DPY19L4: variants seen among roughly 807,000 people sequenced by gnomAD.
The protein encoded by DPY19L4 is dpy-19 like 4.
A neutral mutation model predicts 102.8 loss-of-function variants in DPY19L4; 97 were observed. That is an observed-to-expected ratio of 0.94 (90% CI 0.80 to 1.12). DPY19L4 has a LOEUF of 1.12. Ranked by LOEUF, DPY19L4 falls within the 50% of genes most tolerant of loss-of-function variation. The pLI is 0.00. For synonymous variants in DPY19L4, 252 were observed against 283.1 expected (o/e 0.89, Z 1.10); for missense variants, 815 against 850.4 (o/e 0.96, Z 0.52).
At chr8:94,778,949 T>C (rs1028534216) in intron 14 of DPY19L4, among the ~76,000 whole-genome samples, 1 of 152,168 alleles carries the variant, frequency 6.6e-6, no homozygotes, top group Non-Finnish European at 1.5e-5. Flanking sequence ...GGTGTCATGC[T>C]GCGGAGCTGG....
chr8:94,721,103 C>T (rs1403473002), intron 1 of DPY19L4, among the ~76,000 whole-genome samples: 2 of 152,170 alleles, frequency 1.3e-5, no homozygotes, highest in Admixed American at 6.5e-5. Context: ...TGCGCCATCA[C>T]GCCCGGTTAA....
At position 94,734,755 on chromosome 8, in the gene DPY19L4, G is replaced by T; in HGVS notation, c.252+1G>T. 6.2e-7 allele frequency: 1 copy of T among 1,613,216 alleles called. No homozygotes were observed. Among genetic ancestry groups the T allele is most frequent in the South Asian group, 1.1e-5 (1 of 90,766 alleles). On this transcript the variant is annotated splice_donor_variant, in intron 3 of 18. Coordinates refer to ENST00000414645, the MANE Select transcript of DPY19L4 (RefSeq NM_181787.3). LOFTEE classifies it high-confidence loss of function. ...GAAATTCTGGTTTTCCAACAGGCAG[G>T]TAAGAAGAAAGAATTTTGAGCATAT...
At position 94,787,588 on chromosome 8, in the gene DPY19L4, G is replaced by C. The variant is rs148730435; in HGVS notation, c.1849-306G>C. Among the ~76,000 whole-genome samples, 735 of 152,222 alleles carry C rather than the reference G, an allele frequency of 4.8e-3. 5 individuals are homozygous for C. Among genetic ancestry groups the C allele is most frequent in the Middle Eastern group, 0.027 (8 of 294 alleles). On this transcript the variant is annotated intron_variant, in intron 17 of 18. Transcript: ENST00000414645. ...TTTACTACTTTTTGAAGGATATCAA[G>C]AGTTGATCCAATATTAACATTTCAG...
chr8:94,784,351 C>T (rs1360229537), intron 17 of DPY19L4, among the ~76,000 whole-genome samples: 1 of 152,216 alleles, frequency 6.6e-6, no homozygotes, highest in Non-Finnish European at 1.5e-5. Context: ...GCTGGAATTA[C>T]AGGCACCTGC....
chr8:94,772,360 A>G (rs919649039), intron 13 of DPY19L4, among the ~76,000 whole-genome samples: 2 of 152,198 alleles, frequency 1.3e-5, no homozygotes, highest in African/African-American at 4.8e-5. Flanking sequence ...AACTACCCTC[A>G]GGCTTGATAA....
At chr8:94,764,153 T>C (rs189212039) in intron 8 of DPY19L4, among the ~76,000 whole-genome samples, 1 of 152,328 alleles carries the variant, frequency 6.6e-6, no homozygotes, top group East Asian at 1.9e-4. Flanking sequence ...TTTTGATTTA[T>C]GTAATTTGAG....
rs565794690 is a variant in DPY19L4 at position 94,780,971 on chromosome 8, A to G, written c.1633-113A>G. 1.0e-3 allele frequency: 833 copies of G among 796,014 alleles called. 12 individuals carry two copies. Among genetic ancestry groups the G allele is most frequent in the South Asian group, 9.8e-3 (533 of 54,384 alleles). The allele number at this position is 796,014 out of a possible 1,614,324, so 49.3% of individuals were successfully genotyped here. On this transcript the variant is annotated intron_variant, in intron 15 of 18. Coordinates refer to ENST00000414645, the MANE Select transcript of DPY19L4 (RefSeq NM_181787.3). ...TCCATGCGAACGGTGTTGTAATATC[A>G]TTTGCCTTAAGTTAGTCTGTTAGTC...
intron 11 of DPY19L4, 101 bp from the exon 12 acceptor site, chr8:94,768,293 GA>G: frequency 2.3e-6 from 2 of 887,794 alleles, no homozygotes; most frequent in Non-Finnish European, 3.5e-6. Flanking sequence ...ACGGGTTTAG[GA>G]AATGTGTTTT....
intron 6 of DPY19L4, among the ~76,000 whole-genome samples, chr8:94,751,236 A>G (rs974264508): frequency 4.1e-5 from 6 of 147,772 alleles, no homozygotes; most frequent in Non-Finnish European, 8.9e-5. Context: ...CTCCTGCCTC[A>G]GCCTCCCGAG....
chr8:94,781,673 A>T (rs538721960), intron 16 of DPY19L4, among the ~76,000 whole-genome samples: 2 of 152,302 alleles, frequency 1.3e-5, no homozygotes, highest in South Asian at 4.1e-4. Context: ...GAAGAGCAAA[A>T]TACCTAGTCA....
At position 94,789,844 on chromosome 8, in the gene DPY19L4, T is replaced by C. The variant is rs1429015804; in HGVS notation, c.2106T>C (p.Thr702=). Residue 702 remains threonine, a synonymous_variant, in exon 19 of 19, where the codon ACT becomes ACC. Transcript: ENST00000414645. Reference sequence around the variant, plus strand: ...ATTCTCCATATGTGAATTATTTCACTAGAGTATACTGGAACAGATCCTACT... The same window carrying C: ...ATTCTCCATATGTGAATTATTTCACCAGAGTATACTGGAACAGATCCTACT... The part of the protein sequence containing the change: ...INYSPYVNYF[T]RVYWNRSYFV... 6.2e-7 allele frequency: 1 copy of C among 1,611,084 alleles called. No homozygotes were observed. Among genetic ancestry groups the C allele is most frequent in the South Asian group, 1.1e-5 (1 of 90,260 alleles).
Position 94,789,924 on chromosome 8 carries a change from C to T in DPY19L4, c.*14C>T, listed in dbSNP as rs1432588572. 2 of 1,579,620 alleles carry T rather than the reference C, an allele frequency of 1.3e-6. No homozygotes were observed. Among genetic ancestry groups the T allele is most frequent in the East Asian group, 2.3e-5 (1 of 42,836 alleles). ...TTCCAGTCTTGAAAAATAACAGAGC[C>T]TTCATTTCAAAGACTACCTGAAGTA... On this transcript the variant is annotated 3_prime_UTR_variant, in exon 19 of 19. Coordinates refer to ENST00000414645, the MANE Select transcript of DPY19L4 (RefSeq NM_181787.3).
chr8:94,757,054 A>G (rs1335600642), intron 7 of DPY19L4, among the ~76,000 whole-genome samples: 1 of 152,138 alleles, frequency 6.6e-6, no homozygotes, highest in East Asian at 1.9e-4. Context: ...TTTAAAATAC[A>G]TAAAATGATT....
At chr8:94,732,566 G>A (rs1188470980) in intron 2 of DPY19L4, among the ~76,000 whole-genome samples, 1 of 151,958 alleles carries the variant, frequency 6.6e-6, no homozygotes, top group East Asian at 1.9e-4. Context: ...AATAGTTTGT[G>A]TCCATATATA....
chr8:94,755,339 T>G (rs1361528838), intron 6 of DPY19L4, among the ~76,000 whole-genome samples: 2 of 152,162 alleles, frequency 1.3e-5, no homozygotes, highest in African/African-American at 4.8e-5. Context: ...ATGCTGCTAA[T>G]TATGCGGTGC....
chr8:94,735,978 A>G (rs79389150), intron 3 of DPY19L4, among the ~76,000 whole-genome samples: 3,182 of 152,306 alleles, frequency 0.021, 103 homozygotes, highest in African/African-American at 0.071. Flanking sequence ...AAGTACCATA[A>G]GCTTATAAAC....
At chr8:94,756,220 A>G in intron 7 of DPY19L4, 61 bp downstream of exon 7, 9 of 1,568,860 alleles carry the variant, frequency 5.7e-6, no homozygotes, top group Middle Eastern at 1.7e-4. Context: ...AATGTGGCAC[A>G]TAATAGCAAA....
chr8:94,768,158 C>T (rs1394090083), intron 11 of DPY19L4, among the ~76,000 whole-genome samples: 1 of 152,114 alleles, frequency 6.6e-6, no homozygotes, highest in Non-Finnish European at 1.5e-5. Flanking sequence ...GGTCACGTTA[C>T]TTGGTAATAA....
At chr8:94,760,972 A>C (rs1474591185) in intron 7 of DPY19L4, among the ~76,000 whole-genome samples, 1 of 152,204 alleles carries the variant, frequency 6.6e-6, no homozygotes, top group Non-Finnish European at 1.5e-5. Context: ...CATTGGGGAA[A>C]GATAATACTT....
Sources: allele counts gnomAD v4.1 joint callset (sites outside exome capture counted in the v4.1 genomes callset), GRCh38; gene constraint gnomAD v4.1.1; transcripts MANE v1.5; gene names NCBI Gene and HGNC (gene_info 2026-07-23, HGNC 2026-07-21).